The following PTPN14 variants were observed in gnomAD, a reference collection of about 807,000 sequenced individuals.
PTPN14 encodes the protein tyrosine-protein phosphatase non-receptor type 14.
In PTPN14, 53 loss-of-function variants were observed where a neutral mutation model predicts 126.8. The ratio of observed to expected loss-of-function variants is 0.42; its 90% CI spans 0.34 to 0.53. PTPN14 has a LOEUF of 0.53. Among genes scored for constraint, PTPN14 ranks in the 20% least tolerant of loss-of-function variants. The probability of loss-of-function intolerance (pLI) is 0.08; values close to 1 mark genes in which losing one functional copy is unlikely to be tolerated. For synonymous variants in PTPN14, 630 were observed against 599.3 expected, an observed-to-expected ratio of 1.05 and a Z score of -0.75; for missense variants, 1,257 against 1,552.9, an observed-to-expected ratio of 0.81 and a Z score of 3.20.
rs899643900 is a variant in PTPN14 at position 214,354,344 on chromosome 1, G to A, written c.*3578C>T. ...TTCCCTGATCTTATTGTTTAGCTCC[G>A]ACTGAATATTGCAGCTCATTCATCT... On this transcript the variant is annotated 3_prime_UTR_variant, in exon 19 of 19. Coordinates refer to ENST00000366956, the MANE Select transcript of PTPN14 (RefSeq NM_005401.5). 2 of 152,118 alleles carry A rather than the reference G, an allele frequency of 1.3e-5. No individual in the cohort carries two copies. Among genetic ancestry groups the A allele is most frequent in the African/African-American group, 4.8e-5 (2 of 41,408 alleles). 9.4% of individuals were successfully genotyped at this position (152,118 alleles called of 1,614,324 possible). A position where few individuals can be genotyped will look rare whatever the true frequency, so the allele number is the denominator to read the frequency against.
At chr1:214,418,282 G>C (rs956245627) in intron 3 of PTPN14, among the ~76,000 whole-genome samples, 1 of 152,222 alleles carries the variant, frequency 6.6e-6, no homozygotes, top group African/African-American at 2.4e-5. Context: ...TCTGTCAGGT[G>C]GGCAGCAAAT....
chr1:214,424,598 G>A (rs1021599778), intron 3 of PTPN14, among the ~76,000 whole-genome samples: 6 of 151,632 alleles, frequency 4.0e-5, no homozygotes, highest in African/African-American at 1.5e-4. Context: ...TGCAATCTTG[G>A]CTCATTGCAA....
At chr1:214,511,053 G>GT (rs11335308) in intron 1 of PTPN14, among the ~76,000 whole-genome samples, 132 of 147,276 alleles carry the variant, frequency 9.0e-4, no homozygotes, top group East Asian at 9.9e-4. Flanking sequence ...TAAGTCTTTG[G>GT]TTTTTTTTTT....
chr1:214,474,363 CT>C (rs1165374525), intron 1 of PTPN14, among the ~76,000 whole-genome samples: 4 of 152,190 alleles, frequency 2.6e-5, no homozygotes, highest in African/African-American at 9.7e-5. Flanking sequence ...TTTACTCTGA[CT>C]TTAAGTACAG....
chr1:214,540,940 C>A (rs1412361289), intron 1 of PTPN14, among the ~76,000 whole-genome samples: 2 of 152,048 alleles, frequency 1.3e-5, no homozygotes, highest in Non-Finnish European at 2.9e-5. Context: ...AAAATTACTT[C>A]AATTAGAAAC....
chr1:214,384,479 G>C lies in PTPN14; in HGVS notation c.1376C>G (p.Thr459Arg). The change falls in exon 13 of 19, where the codon ACA becomes AGA. Residue 459 changes from threonine (T) to arginine (R), a missense_variant. Physicochemically the swap from Thr to Arg is moderately conservative, Grantham distance 71. Transcript: ENST00000366956. The surrounding 1 kb of genome is among the most constrained non-coding windows in gnomAD (Gnocchi z 5.3). ...MRQMKRGILH[T>R]DSQSQSLRNL... ...TCTCAGAGACTGGCTCTGGCTGTCT[G>C]TATGCAGGATCCCCCTCTTCATCTG... is the stretch of plus-strand genomic sequence containing the variant. 6.2e-7 allele frequency: 1 copy of C among 1,614,182 alleles called. No individual in the cohort carries two copies. Among genetic ancestry groups the C allele is most frequent in the Non-Finnish European group, 8.5e-7 (1 of 1,180,038 alleles).
At chr1:214,491,553 T>C (rs1032033069) in intron 1 of PTPN14, among the ~76,000 whole-genome samples, 1 of 152,146 alleles carries the variant, frequency 6.6e-6, no homozygotes, top group African/African-American at 2.4e-5. Context: ...CTGTTCACGA[T>C]AGGGTTCCTT....
chr1:214,411,580 T>TC (rs1659310337), intron 5 of PTPN14, 104 bp downstream of exon 5: 1 of 826,152 alleles, frequency 1.2e-6, no homozygotes, highest in Admixed American at 3.4e-5. Flanking sequence ...ATCGACTTTT[T>TC]CCCCAGGGAA....
chr1:214,387,959 C>T (rs190914460), intron 11 of PTPN14, among the ~76,000 whole-genome samples: 202 of 152,202 alleles, frequency 1.3e-3, no homozygotes, highest in African/African-American at 4.6e-3. Context: ...GCTGACCTTC[C>T]CCATTGCAGA....
intron 5 of PTPN14, among the ~76,000 whole-genome samples, chr1:214,407,674 A>T (rs1458646581): frequency 2.0e-5 from 3 of 152,140 alleles, no homozygotes; most frequent in African/African-American, 7.2e-5. Flanking sequence ...TTGTCACCAG[A>T]CACTCTACTT....
At chr1:214,486,088 A>T (rs1449172802) in intron 1 of PTPN14, among the ~76,000 whole-genome samples, 1 of 152,104 alleles carries the variant, frequency 6.6e-6, no homozygotes, top group Admixed American at 6.5e-5. Flanking sequence ...TGGCACTTAA[A>T]ATGATCAGAA....
At position 214,384,546 on chromosome 1, in the gene PTPN14, G is replaced by A. The variant is rs1658562370; in HGVS notation, c.1309C>T (p.Pro437Ser). ...TAATCGGGGGTTGGCCTGTACGAGG[G>A]CACGATGATCGCGCTGTGCCGGTGG... ...PSHRHSAIIVPSYRPTPDYET... is the reference protein window; with the variant it reads ...PSHRHSAIIVSSYRPTPDYET... The change falls in exon 13 of 19, where the codon CCC becomes TCC. Residue 437 changes from proline to serine, a missense_variant. Transcript: ENST00000366956. This position sits in a 1 kb window ranked among gnomAD's most constrained non-coding sequence, Gnocchi z 5.3. The A allele has an allele frequency of 6.2e-7, 1 of 1,613,970 alleles. No homozygotes were observed. The highest frequency in any genetic ancestry group is 1.3e-5 in the African/African-American group (1 of 74,880).
chr1:214,464,530 A>G (rs1427735635), intron 2 of PTPN14, 100 bp downstream of exon 2: 12 of 1,454,512 alleles, frequency 8.3e-6, no homozygotes, highest in African/African-American at 1.4e-5. Context: ...AAAACACAAC[A>G]GATGCCAAAA....
chr1:214,423,700 G>A (rs561395794), intron 3 of PTPN14, among the ~76,000 whole-genome samples: 17 of 152,284 alleles, frequency 1.1e-4, no homozygotes, highest in Admixed American at 5.2e-4. Flanking sequence ...CTGAGTACCT[G>A]CAGGGCGTTG....
At chr1:214,381,620 A>T (rs1234678016) in intron 13 of PTPN14, among the ~76,000 whole-genome samples, 1 of 152,230 alleles carries the variant, frequency 6.6e-6, no homozygotes, top group Non-Finnish European at 1.5e-5. Flanking sequence ...TACAGATTCA[A>T]TTTCTGACCC....
intron 7 of PTPN14, 68 bp from the exon 8 acceptor site, chr1:214,398,069 A>G: frequency 7.6e-7 from 1 of 1,308,496 alleles, no homozygotes; most frequent in South Asian, 1.2e-5. Flanking sequence ...ACAATAGCTA[A>G]GATATGGAAT....
At chr1:214,435,075 T>A (rs1165437478) in intron 3 of PTPN14, among the ~76,000 whole-genome samples, 1 of 152,188 alleles carries the variant, frequency 6.6e-6, no homozygotes, top group Non-Finnish European at 1.5e-5. Context: ...AGGCTGCGGG[T>A]TGCACAAACT....
intron 3 of PTPN14, among the ~76,000 whole-genome samples, chr1:214,428,856 A>C (rs1659735526): frequency 6.6e-6 from 1 of 152,202 alleles, no homozygotes; most frequent in Non-Finnish European, 1.5e-5. Context: ...TTGTAACTTT[A>C]AAAATGGTCT....
intron 1 of PTPN14, among the ~76,000 whole-genome samples, chr1:214,493,764 A>G (rs1454668371): frequency 1.3e-5 from 2 of 152,230 alleles, no homozygotes; most frequent in Non-Finnish European, 2.9e-5. Context: ...TGTCACACAT[A>G]TATGGTCAAG....
Sources: allele counts gnomAD v4.1 joint callset (sites outside exome capture counted in the v4.1 genomes callset), GRCh38; gene constraint gnomAD v4.1.1; non-coding constraint Gnocchi (gnomAD v3.1); transcripts MANE v1.5; gene names NCBI Gene and HGNC (gene_info 2026-07-23, HGNC 2026-07-21).